Variants in VWC2 observed in about 807,000 individuals in gnomAD.
The protein encoded by VWC2 is von Willebrand factor C domain containing 2.
A neutral mutation model predicts 29.8 loss-of-function variants in VWC2; 14 were observed. The observed-to-expected ratio is 0.47, with a 90% confidence interval of 0.31 to 0.74. The LOEUF (loss-of-function observed/expected upper bound fraction) is 0.74. Among genes scored for constraint, VWC2 ranks in the 30% least tolerant of loss-of-function variants. The pLI, the probability that VWC2 is intolerant of heterozygous loss-of-function variation, is 0.05. For synonymous variants in VWC2, 213 were observed against 199.0 expected, an observed-to-expected ratio of 1.07 and a Z score of -0.59; for missense variants, 457 against 459.8, an observed-to-expected ratio of 0.99 and a Z score of 0.05.
intron 2 of VWC2, among the ~76,000 whole-genome samples, chr7:49,796,268 C>T (rs1237679673): frequency 6.6e-6 from 1 of 152,152 alleles, no homozygotes; most frequent in Non-Finnish European, 1.5e-5. Context: ...TCTATGAAAC[C>T]ATTACAATTA....
In VWC2 at chr7:49,802,780, C is replaced by A; in HGVS notation, c.766C>A (p.Gln256Lys). 3 of 1,614,234 alleles carry A rather than the reference C, an allele frequency of 1.9e-6. No homozygotes were observed. The highest frequency in any genetic ancestry group is 2.5e-6 in the Non-Finnish European group (3 of 1,180,038). The change falls in exon 3 of 4, where the codon CAG becomes AAG. Residue 256 changes from glutamine to lysine, a missense_variant. By Grantham distance (53) the Gln-to-Lys change is moderately conservative. Around this residue, in one of 2 missense-constraint regions of VWC2, gnomAD observed 185 missense variants for 257.1 expected, o/e 0.72. Coordinates refer to ENST00000340652, the MANE Select transcript of VWC2 (RefSeq NM_198570.5). ...GCTATGCACAGTGTCAGCGTGTCCCCAGACGGAGTGTGTGGACCCTGTGTA... is the reference window on the plus strand; with the variant it reads ...GCTATGCACAGTGTCAGCGTGTCCCAAGACGGAGTGTGTGGACCCTGTGTA... ...EVLCTVSACP[Q>K]TECVDPVYEP... is the part of the protein sequence containing the mutation.
At chr7:49,903,723 T>G (rs1221932730) in intron 3 of VWC2, among the ~76,000 whole-genome samples, 1 of 152,196 alleles carries the variant, frequency 6.6e-6, no homozygotes, top group Non-Finnish European at 1.5e-5. Context: ...GGCTACGTTG[T>G]CTGGGGTATA....
Position 49,912,385 on chromosome 7 carries a change from G to C in VWC2, c.*200G>C, listed in dbSNP as rs1793501194. ...TTTCAAAACATCAACAAGAACTTTG[G>C]GCATAAAATCCTTCTCTAAATAAAT... On this transcript the variant is annotated 3_prime_UTR_variant, in exon 4 of 4. Transcript: ENST00000340652. 1 of 510,154 alleles carries C rather than the reference G, an allele frequency of 2.0e-6. No homozygotes were observed. Among genetic ancestry groups the C allele is most frequent in the African/African-American group, 1.9e-5 (1 of 51,820 alleles). The allele number at this position is 510,154 out of a possible 1,614,324, so 31.6% of individuals were successfully genotyped here.
chr7:49,784,392 T>C (rs1788249066), intron 2 of VWC2, among the ~76,000 whole-genome samples: 1 of 152,220 alleles, frequency 6.6e-6, no homozygotes, highest in Non-Finnish European at 1.5e-5. Flanking sequence ...TTTCTAGAGG[T>C]GGAGTTGGAA....
chr7:49,875,421 A>G (rs1454902463), intron 3 of VWC2, among the ~76,000 whole-genome samples: 2 of 145,348 alleles, frequency 1.4e-5, no homozygotes, highest in Non-Finnish European at 3.0e-5. Context: ...CATGTTACAT[A>G]TATTTTTTAA....
At chr7:49,853,348 A>C (rs1458048412) in intron 3 of VWC2, among the ~76,000 whole-genome samples, 1 of 152,216 alleles carries the variant, frequency 6.6e-6, no homozygotes, top group South Asian at 2.1e-4. Flanking sequence ...CCCCAGGCCC[A>C]GGAAGTCATG....
intron 3 of VWC2, among the ~76,000 whole-genome samples, chr7:49,842,568 C>T (rs1041856983): frequency 9.2e-5 from 14 of 152,154 alleles, no homozygotes; most frequent in African/African-American, 3.4e-4. Flanking sequence ...CTGTAGGATG[C>T]TTCCAGAAAT....
chr7:49,777,987 A>G (rs1264334393), intron 2 of VWC2, among the ~76,000 whole-genome samples: 1 of 151,530 alleles, frequency 6.6e-6, no homozygotes, highest in African/African-American at 2.4e-5. Context: ...ATAGTTTCAT[A>G]GTAATTTTCT....
At chr7:49,825,819 T>TTTACACCTACTTTCTGGCCA (rs1789377829) in intron 3 of VWC2, among the ~76,000 whole-genome samples, 1 of 152,222 alleles carries the variant, frequency 6.6e-6, no homozygotes, top group African/African-American at 2.4e-5. Context: ...TCTTCTCACA[T>TTTACACCTACTTTCTGGCCA]TTACACCTAC....
At chr7:49,847,432 C>T (rs145336929) in intron 3 of VWC2, among the ~76,000 whole-genome samples, 199 of 152,126 alleles carry the variant, frequency 1.3e-3, no homozygotes, top group African/African-American at 4.6e-3. Context: ...CAGAGCCTTG[C>T]AGGGATCCCT....
chr7:49,778,222 T>C (rs371785600), intron 2 of VWC2, among the ~76,000 whole-genome samples: 38 of 152,220 alleles, frequency 2.5e-4, no homozygotes, highest in South Asian at 1.7e-3. Flanking sequence ...TGGTAGTCCA[T>C]AGGTAGAATG....
intron 3 of VWC2, among the ~76,000 whole-genome samples, chr7:49,818,756 A>ATATATATATATAAATAAATAT (rs1470726211): frequency 6.7e-6 from 1 of 149,884 alleles, no homozygotes; most frequent in Non-Finnish European, 1.5e-5. Context: ...ATATAAATAT[A>ATATATATATATAAATAAATAT]AATTCATATA....
intron 3 of VWC2, among the ~76,000 whole-genome samples, chr7:49,815,704 T>C (rs991982574): frequency 6.6e-6 from 1 of 152,206 alleles, no homozygotes; most frequent in Non-Finnish European, 1.5e-5. Context: ...TGGAGTATTA[T>C]ACAGTAAAAC....
chr7:49,793,689 T>C (rs1788516914), intron 2 of VWC2, among the ~76,000 whole-genome samples: 1 of 152,256 alleles, frequency 6.6e-6, no homozygotes, highest in Non-Finnish European at 1.5e-5. Context: ...CACCACAATG[T>C]GTTTATCCAC....
At chr7:49,786,923 G>T (rs183321950) in intron 2 of VWC2, among the ~76,000 whole-genome samples, 6 of 152,164 alleles carry the variant, frequency 3.9e-5, no homozygotes, top group African/African-American at 1.4e-4. Flanking sequence ...CCATTCTGTA[G>T]ACTGTCTGTT....
At chr7:49,893,196 A>T (rs1484359209) in intron 3 of VWC2, among the ~76,000 whole-genome samples, 2 of 152,170 alleles carry the variant, frequency 1.3e-5, no homozygotes, top group East Asian at 3.9e-4. Flanking sequence ...GTGGCATATG[A>T]TAAATCAACT....
Position 49,811,481 on chromosome 7 carries a change from T to C in VWC2, c.826+8641T>C, listed in dbSNP as rs183355589. Among the ~76,000 whole-genome samples the C allele has an allele frequency of 3.9e-5, 6 of 152,328 alleles. No individual in the cohort carries two copies. The East Asian group carries it at 1.2e-3, about 29-fold the overall frequency. On this transcript the variant is annotated intron_variant, in intron 3 of 3. Transcript: ENST00000340652. ...TGCCATCATGTGAAGAAGGACATGT[T>C]TGTTTCCTCTTCTGCCATGATTGTA...
chr7:49,813,216 T>C (rs956535273), intron 3 of VWC2, among the ~76,000 whole-genome samples: 14 of 152,248 alleles, frequency 9.2e-5, no homozygotes, highest in Non-Finnish European at 1.0e-4. Context: ...TGAAAGCCAG[T>C]GCCTGCCTCC....
intron 3 of VWC2, among the ~76,000 whole-genome samples, chr7:49,886,828 C>CA (rs1791924733): frequency 6.6e-6 from 1 of 152,126 alleles, no homozygotes; most frequent in Non-Finnish European, 1.5e-5. Flanking sequence ...TGCTTTTAAT[C>CA]AAAAATATTT....
Sources: gnomAD v4.1 joint callset for allele counts (sites outside exome capture counted in the v4.1 genomes callset) on GRCh38, gnomAD v4.1.1 for gene constraint, gnomAD v4.1.1 regional missense constraint, MANE v1.5 for transcripts, NCBI Gene and HGNC (gene_info 2026-07-23, HGNC 2026-07-21) for gene names.